Variants in KCNB2 observed in about 807,000 individuals in gnomAD.
The protein encoded by KCNB2 is delayed rectifier potassium channel protein.
Under a neutral mutation model 61.5 loss-of-function variants are expected in KCNB2, and 15 were observed. That is an observed-to-expected ratio of 0.24 (90% CI 0.16 to 0.38). The LOEUF is 0.38. KCNB2 is among the 10% of genes least tolerant of loss of function. The probability of loss-of-function intolerance (pLI) is 1.00; values close to 1 mark genes in which losing one functional copy is unlikely to be tolerated. For synonymous variants in KCNB2, 457 were observed against 446.0 expected (o/e 1.02, Z -0.31); for missense variants, 828 against 1,125.2 (o/e 0.74, Z 3.78).
chr8:72,720,231 C>G (rs186796751), intron 2 of KCNB2, among the ~76,000 whole-genome samples: 1 of 152,234 alleles, frequency 6.6e-6, no homozygotes, highest in East Asian at 1.9e-4. Context: ...ATATATTAGC[C>G]GGTCAGTTTA....
chr8:72,761,508 A>G (rs1244225522), intron 2 of KCNB2, among the ~76,000 whole-genome samples: 5 of 152,174 alleles, frequency 3.3e-5, no homozygotes, highest in Non-Finnish European at 1.5e-5. Flanking sequence ...AAGGTCCAAC[A>G]CTTGCTAGAG....
At chr8:72,707,593 C>G (rs1308553514) in intron 2 of KCNB2, among the ~76,000 whole-genome samples, 1 of 152,136 alleles carries the variant, frequency 6.6e-6, no homozygotes, top group Non-Finnish European at 1.5e-5. Context: ...GGGGAGCATT[C>G]ATCTCCACAC....
At chr8:72,841,004 C>T (rs1809874267) in intron 2 of KCNB2, among the ~76,000 whole-genome samples, 1 of 152,120 alleles carries the variant, frequency 6.6e-6, no homozygotes, top group Non-Finnish European at 1.5e-5. Context: ...ATGGTATTGC[C>T]TAGGTTTTCT....
chr8:72,760,156 A>G (rs1408729577), intron 2 of KCNB2, among the ~76,000 whole-genome samples: 1 of 152,218 alleles, frequency 6.6e-6, no homozygotes, highest in East Asian at 1.9e-4. Context: ...GAAAGTCTAC[A>G]GATTTGGAGC....
intron 2 of KCNB2, among the ~76,000 whole-genome samples, chr8:72,694,518 A>G (rs1472816037): frequency 6.6e-6 from 1 of 152,220 alleles, no homozygotes; most frequent in Non-Finnish European, 1.5e-5. Context: ...TTAAATGTGT[A>G]TGGAAACTCT....
intron 2 of KCNB2, among the ~76,000 whole-genome samples, chr8:72,693,556 C>G (rs1246235012): frequency 6.6e-6 from 1 of 152,164 alleles, no homozygotes; most frequent in Non-Finnish European, 1.5e-5. Flanking sequence ...CAACAACTCC[C>G]TGTACAAATT....
At chr8:72,907,705 C>T (rs940380805) in intron 2 of KCNB2, among the ~76,000 whole-genome samples, 3 of 152,152 alleles carry the variant, frequency 2.0e-5, no homozygotes, top group East Asian at 1.9e-4. Flanking sequence ...AATGTAGGCT[C>T]GAAAGCATCA....
chr8:72,611,230 A>C (rs1805533182), intron 2 of KCNB2, among the ~76,000 whole-genome samples: 1 of 152,216 alleles, frequency 6.6e-6, no homozygotes, highest in South Asian at 2.1e-4. Flanking sequence ...TGATGTTAAA[A>C]TATCATTTTT....
At chr8:72,741,780 C>T (rs1807964619) in intron 2 of KCNB2, among the ~76,000 whole-genome samples, 1 of 152,054 alleles carries the variant, frequency 6.6e-6, no homozygotes, top group Non-Finnish European at 1.5e-5. Flanking sequence ...AGTATTAAAC[C>T]ACAATGCCAT....
intron 2 of KCNB2, among the ~76,000 whole-genome samples, chr8:72,784,016 G>A (rs1021633964): frequency 7.2e-5 from 11 of 152,036 alleles, no homozygotes; most frequent in African/African-American, 1.9e-4. Context: ...AGTTCTAAGC[G>A]AATATTCTAA....
At chr8:72,886,694 C>T (rs1805812422) in intron 2 of KCNB2, among the ~76,000 whole-genome samples, 1 of 152,242 alleles carries the variant, frequency 6.6e-6, no homozygotes, top group Admixed American at 6.5e-5. Context: ...CGTAATTTCC[C>T]CTGATGCTGC....
intron 2 of KCNB2, among the ~76,000 whole-genome samples, chr8:72,721,923 G>A (rs984301386): frequency 2.0e-5 from 3 of 152,314 alleles, no homozygotes; most frequent in East Asian, 1.9e-4. Context: ...AATGGCCCAA[G>A]AGCAAGCTGT....
intron 2 of KCNB2, among the ~76,000 whole-genome samples, chr8:72,663,832 A>G (rs1031901108): frequency 4.6e-5 from 7 of 152,194 alleles, no homozygotes; most frequent in Non-Finnish European, 7.4e-5. Flanking sequence ...TTTTATTGTT[A>G]ATTTTATAAA....
chr8:72,927,320 G>C (rs1357207240), intron 2 of KCNB2, among the ~76,000 whole-genome samples: 1 of 151,532 alleles, frequency 6.6e-6, no homozygotes, highest in Non-Finnish European at 1.5e-5. Context: ...GCTCAGGCTG[G>C]AGTGCAGTGG....
chr8:72,905,496 G>A (rs979424278), intron 2 of KCNB2, among the ~76,000 whole-genome samples: 1 of 152,130 alleles, frequency 6.6e-6, no homozygotes, highest in Non-Finnish European at 1.5e-5. Flanking sequence ...AATTTTAATG[G>A]CATGAGGCAA....
intron 2 of KCNB2, among the ~76,000 whole-genome samples, chr8:72,850,829 G>C (rs1229163325): frequency 6.6e-6 from 1 of 152,204 alleles, no homozygotes; most frequent in Non-Finnish European, 1.5e-5. Flanking sequence ...GCATGTATGT[G>C]ATTGTCAAAT....
intron 2 of KCNB2, among the ~76,000 whole-genome samples, chr8:72,579,362 A>G (rs557769590): frequency 6.6e-6 from 1 of 152,316 alleles, no homozygotes; most frequent in South Asian, 2.1e-4. Context: ...GAATATTGTA[A>G]GAGTCCGAAT....
At chr8:72,892,946 C>T (rs189746806) in intron 2 of KCNB2, among the ~76,000 whole-genome samples, 2 of 152,070 alleles carry the variant, frequency 1.3e-5, no homozygotes, top group South Asian at 2.1e-4. Flanking sequence ...AAACTATGAG[C>T]TTTGCAGTGT....
intron 2 of KCNB2, among the ~76,000 whole-genome samples, chr8:72,609,924 A>C (rs963248842): frequency 1.3e-5 from 2 of 152,196 alleles, no homozygotes; most frequent in African/African-American, 4.8e-5. Context: ...GTTCACGTGG[A>C]ATATTTTCAC....
Sources: gnomAD v4.1 joint callset for allele counts (sites outside exome capture counted in the v4.1 genomes callset) on GRCh38, gnomAD v4.1.1 for gene constraint, MANE v1.5 for transcripts, NCBI Gene and HGNC (gene_info 2026-07-23, HGNC 2026-07-21) for gene names.